Variants in SBF2 observed in about 807,000 individuals in gnomAD.
SBF2 encodes the protein myotubularin-related protein 13.
A neutral mutation model predicts 225.2 loss-of-function variants in SBF2; 112 were observed. The observed-to-expected ratio is 0.50, with a 90% confidence interval of 0.43 to 0.58. The LOEUF (loss-of-function observed/expected upper bound fraction) is 0.58. Ranked by LOEUF, SBF2 falls within the 20% of genes least tolerant of loss-of-function variation. The pLI is 0.00. For missense variants in SBF2, 1,996 were observed against 2,206.2 expected (o/e 0.90, Z 1.91); for synonymous variants, 763 against 773.3 (o/e 0.99, Z 0.22).
intron 6 of SBF2, among the ~76,000 whole-genome samples, chr11:10,021,275 A>T (rs187253255): frequency 6.2e-4 from 94 of 152,316 alleles, no homozygotes; most frequent in African/African-American, 2.2e-3. Flanking sequence ...TGGGGCAGGG[A>T]GGGACACCCA....
At chr11:10,293,418 A>G (rs1461198793) in intron 1 of SBF2, among the ~76,000 whole-genome samples, 1 of 152,240 alleles carries the variant, frequency 6.6e-6, no homozygotes, top group Non-Finnish European at 1.5e-5. Context: ...AGTGACCGTC[A>G]CATTTGTCCT....
At chr11:10,075,590 A>G (rs553109190) in intron 2 of SBF2, among the ~76,000 whole-genome samples, 1 of 152,268 alleles carries the variant, frequency 6.6e-6, no homozygotes, top group East Asian at 1.9e-4. Flanking sequence ...GTAGTTTAAA[A>G]GTGTATAGCA....
At position 9,850,188 on chromosome 11, in the gene SBF2, CT is replaced by C; in HGVS notation, c.2640del (p.Gly881GlufsTer55). The part of the protein sequence containing the change: ...KPKILRPALL[P>X]GEEIVCEGLR... The stretch of plus-strand genomic sequence containing the variant: ...AGACCCTCACAGACAATTTCTTCTC[CT>C]GGCAGCAGAGCAGGTCTAAGAATCT... On this transcript the variant is annotated frameshift_variant, in exon 22 of 40. Coordinates refer to ENST00000256190, the MANE Select transcript of SBF2 (RefSeq NM_030962.4). LOFTEE classifies it high-confidence loss of function. The C allele has an allele frequency of 6.2e-7, 1 of 1,613,782 alleles. No homozygotes were observed. The highest frequency in any genetic ancestry group is 8.5e-7 in the Non-Finnish European group (1 of 1,180,028).
At chr11:9,998,505 G>A (rs962644643) in intron 8 of SBF2, 126 bp from the exon 9 acceptor site, 2 of 625,542 alleles carry the variant, frequency 3.2e-6, no homozygotes, top group Non-Finnish European at 5.6e-6. Flanking sequence ...TTTGTCCATA[G>A]TAGTAGAATT....
rs146361949 is a variant in SBF2, at chr11:10,029,863, A to C, written c.415T>G (p.Leu139Val). 2.3e-5 allele frequency: 37 copies of C among 1,611,650 alleles called. No individual in the cohort carries two copies. Among genetic ancestry groups the C allele is most frequent in the African/African-American group, 2.7e-5 (2 of 75,010 alleles). ...YPEIFRACLGLIYTVYVDSLN... is the reference protein window; with the variant it reads ...YPEIFRACLGVIYTVYVDSLN... ...CTGTCCACATACACGGTATAGATCA[A>C]ACCCAGGCAAGCCTGCAAAAAGATA... Residue 139 changes from leucine (L) to valine (V), a missense_variant, in exon 5 of 40, where the codon TTG becomes GTG. Transcript: ENST00000256190.
chr11:9,830,656 C>T (rs1855333222), intron 27 of SBF2, among the ~76,000 whole-genome samples: 1 of 149,976 alleles, frequency 6.7e-6, no homozygotes, highest in African/African-American at 2.5e-5. Context: ...AGGAGAATCG[C>T]TTGAACCTTG....
At chr11:9,934,451 T>G (rs1438498971) in intron 16 of SBF2, among the ~76,000 whole-genome samples, 2 of 152,210 alleles carry the variant, frequency 1.3e-5, no homozygotes, top group African/African-American at 2.4e-5. Flanking sequence ...CCCTAACTCA[T>G]TTTATGAGGC....
chr11:10,162,465 G>A (rs1241304481), intron 2 of SBF2, among the ~76,000 whole-genome samples: 1 of 152,184 alleles, frequency 6.6e-6, no homozygotes, highest in Non-Finnish European at 1.5e-5. Context: ...CATGTTGTCT[G>A]AGCTTCATTG....
At chr11:10,237,437 G>T (rs1036906185) in intron 1 of SBF2, among the ~76,000 whole-genome samples, 2 of 151,054 alleles carry the variant, frequency 1.3e-5, no homozygotes, top group Non-Finnish European at 3.0e-5. Flanking sequence ...TACACTGAAG[G>T]CTACCCTAGG....
intron 1 of SBF2, among the ~76,000 whole-genome samples, chr11:10,221,135 TTTAA>T (rs1344854427): frequency 1.3e-5 from 2 of 151,992 alleles, no homozygotes; most frequent in African/African-American, 4.8e-5. Flanking sequence ...TTTTTTTTTT[TTTAA>T]TTGAGACTCG....
At chr11:9,896,734 A>G (rs1388518585) in intron 16 of SBF2, among the ~76,000 whole-genome samples, 1 of 150,026 alleles carries the variant, frequency 6.7e-6, no homozygotes, top group African/African-American at 2.5e-5. Context: ...GGTTGCAGTG[A>G]GCCAAGATCC....
At chr11:9,949,117 A>AG (rs902377463) in intron 16 of SBF2, among the ~76,000 whole-genome samples, 30 of 152,246 alleles carry the variant, frequency 2.0e-4, no homozygotes, top group Admixed American at 6.5e-4. Flanking sequence ...AAGGAATGGG[A>AG]GGGGGGAGAA....
At chr11:9,859,582 A>C (rs980735341) in intron 17 of SBF2, among the ~76,000 whole-genome samples, 1 of 152,206 alleles carries the variant, frequency 6.6e-6, no homozygotes. Flanking sequence ...AAAGTTTCTG[A>C]TAAGTTTTCT....
At chr11:10,234,741 G>A (rs1041314734) in intron 1 of SBF2, among the ~76,000 whole-genome samples, 13 of 152,080 alleles carry the variant, frequency 8.5e-5, no homozygotes, top group South Asian at 4.1e-4. Context: ...CTTAAATGTC[G>A]TCTTCTCAAA....
chr11:9,936,999 C>T (rs545571978), intron 16 of SBF2, among the ~76,000 whole-genome samples: 21 of 152,126 alleles, frequency 1.4e-4, no homozygotes, highest in African/African-American at 4.8e-4. Context: ...CTCCCAACAC[C>T]AACACATCAG....
At chr11:10,036,421 T>C (rs927725273) in intron 3 of SBF2, among the ~76,000 whole-genome samples, 1 of 151,962 alleles carries the variant, frequency 6.6e-6, no homozygotes, top group Non-Finnish European at 1.5e-5. Flanking sequence ...TTAAAAAAAA[T>C]AAAAGTATAC....
chr11:10,030,420 T>C (rs1184121654), intron 4 of SBF2, among the ~76,000 whole-genome samples: 1 of 152,210 alleles, frequency 6.6e-6, no homozygotes, highest in Non-Finnish European at 1.5e-5. Context: ...CTCTGAAAAC[T>C]TAGTATTTGC....
At chr11:10,123,137 T>C (rs2135061012) in intron 2 of SBF2, among the ~76,000 whole-genome samples, 1 of 152,170 alleles carries the variant, frequency 6.6e-6, no homozygotes, top group East Asian at 1.9e-4. Context: ...TTTTCCCTAC[T>C]GAAGGAAACA....
At chr11:10,097,201 T>C (rs564058625) in intron 2 of SBF2, among the ~76,000 whole-genome samples, 1 of 152,220 alleles carries the variant, frequency 6.6e-6, no homozygotes, top group East Asian at 1.9e-4. Context: ...AACACAGCAT[T>C]CTCTCCTCCA....
Sources: gnomAD v4.1 joint callset for allele counts (sites outside exome capture counted in the v4.1 genomes callset) on GRCh38, gnomAD v4.1.1 for gene constraint, MANE v1.5 for transcripts, NCBI Gene and HGNC (gene_info 2026-07-23, HGNC 2026-07-21) for gene names.